Variants in ILRUN observed in about 807,000 individuals in gnomAD.
ILRUN encodes protein ILRUN.
ILRUN carries 3 observed loss-of-function variants against 33.8 expected under a neutral mutation model. That is an observed-to-expected ratio of 0.09 (90% CI 0.04 to 0.23). The LOEUF (loss-of-function observed/expected upper bound fraction) is 0.23, where lower values mean the gene tolerates loss of function less well. ILRUN is among the 10% of genes least tolerant of loss of function. The probability of loss-of-function intolerance (pLI) is 1.00; values close to 1 mark genes in which losing one functional copy is unlikely to be tolerated. For missense variants in ILRUN, 210 were observed against 375.1 expected (o/e 0.56, Z 3.64); for synonymous variants, 124 against 138.9 (o/e 0.89, Z 0.75).
At chr6:34,672,909 T>G (rs2395598) in intron 1 of ILRUN, among the ~76,000 whole-genome samples, 1 of 151,848 alleles carries the variant, frequency 6.6e-6, no homozygotes, top group Admixed American at 6.6e-5. Flanking sequence ...AGAAAATGAA[T>G]GCTGAAATGC....
At chr6:34,663,647 G>T (rs932302293) in intron 1 of ILRUN, among the ~76,000 whole-genome samples, 2 of 152,034 alleles carry the variant, frequency 1.3e-5, no homozygotes, top group African/African-American at 4.8e-5. Context: ...TCCAGCTAAG[G>T]TCTCTTTAAA....
intron 1 of ILRUN, among the ~76,000 whole-genome samples, chr6:34,688,394 C>A (rs1763572610): frequency 7.5e-6 from 1 of 133,468 alleles, no homozygotes; most frequent in East Asian, 2.3e-4. Flanking sequence ...CAGAATGAGA[C>A]CCTGTCTCAA....
intron 2 of ILRUN, among the ~76,000 whole-genome samples, chr6:34,651,075 T>C (rs771039145): frequency 1.6e-4 from 24 of 152,186 alleles, no homozygotes; most frequent in Admixed American, 2.0e-4. Flanking sequence ...TGCACATGCA[T>C]GTTCTTCCTC....
chr6:34,648,502 T>TA (rs1762601282), intron 2 of ILRUN, among the ~76,000 whole-genome samples: 2 of 152,162 alleles, frequency 1.3e-5, no homozygotes, highest in Non-Finnish European at 1.5e-5. Flanking sequence ...TACCTTCTTC[T>TA]AAAAAAATTT....
intron 1 of ILRUN, among the ~76,000 whole-genome samples, chr6:34,675,075 G>A (rs1186547303): frequency 6.6e-6 from 1 of 152,162 alleles, no homozygotes; most frequent in African/African-American, 2.4e-5. Flanking sequence ...GAGGTTAAGA[G>A]TTCTAGACCA....
intron 3 of ILRUN, among the ~76,000 whole-genome samples, chr6:34,627,728 A>T (rs1762167003): frequency 7.1e-6 from 1 of 141,506 alleles, no homozygotes; most frequent in Non-Finnish European, 1.5e-5. Flanking sequence ...TTTGAGACAG[A>T]GTTTCGCTCT....
At chr6:34,626,147 G>C (rs1762123140) in intron 3 of ILRUN, among the ~76,000 whole-genome samples, 1 of 152,094 alleles carries the variant, frequency 6.6e-6, no homozygotes, top group Non-Finnish European at 1.5e-5. Flanking sequence ...ACTGCACCCG[G>C]CCAGGAGGCA....
intron 1 of ILRUN, among the ~76,000 whole-genome samples, chr6:34,681,054 A>C (rs1763349081): frequency 6.6e-6 from 1 of 152,114 alleles, no homozygotes; most frequent in Non-Finnish European, 1.5e-5. Flanking sequence ...AAGGGTTTAA[A>C]AAAAAAAGTA....
intron 3 of ILRUN, among the ~76,000 whole-genome samples, chr6:34,636,558 C>A (rs7764921): frequency 0.16 from 24,184 of 151,978 alleles, 2,526 homozygotes; most frequent in African/African-American, 0.29. Flanking sequence ...AGGAGATTAT[C>A]CTCTTCAAAG....
intron 3 of ILRUN, among the ~76,000 whole-genome samples, chr6:34,623,881 G>C (rs895366302): frequency 4.6e-5 from 7 of 152,078 alleles, no homozygotes; most frequent in African/African-American, 1.7e-4. Context: ...GCCCAGGCTG[G>C]AGTGCAGTGT....
chr6:34,649,446 G>A lies in ILRUN; in HGVS notation c.314-2648C>T, dbSNP rs982024984. Among the ~76,000 whole-genome samples, 4 of 152,220 alleles carry A rather than the reference G, an allele frequency of 2.6e-5. No individual in the cohort carries two copies. The South Asian group carries it at 8.3e-4, about 32-fold the overall frequency. ...TAGAAGAAAAGAAAGACTAATCTGTGTTTTATGACGTTCCTAGTTAAGTAT... is the reference window on the plus strand; with the variant it reads ...TAGAAGAAAAGAAAGACTAATCTGTATTTTATGACGTTCCTAGTTAAGTAT... On this transcript the variant is annotated intron_variant, in intron 2 of 4. Coordinates refer to ENST00000374023, the MANE Select transcript of ILRUN (RefSeq NM_024294.4).
intron 3 of ILRUN, among the ~76,000 whole-genome samples, chr6:34,635,795 A>G (rs1964810): frequency 0.058 from 8,842 of 151,874 alleles, 500 homozygotes; most frequent in East Asian, 0.32. Context: ...GCTAATTTTT[A>G]TATTTTTGTA....
At chr6:34,647,521 G>T (rs1015511585) in intron 2 of ILRUN, among the ~76,000 whole-genome samples, 5 of 152,008 alleles carry the variant, frequency 3.3e-5, no homozygotes, top group South Asian at 2.1e-4. Flanking sequence ...GGGAAGGAGG[G>T]TCAATCAGAC....
At position 34,696,718 on chromosome 6, in the gene ILRUN, T is replaced by C; in HGVS notation, c.-115A>G. 9.0e-7 allele frequency: 1 copy of C among 1,108,690 alleles called. No individual in the cohort carries two copies. The highest frequency in any genetic ancestry group is 1.3e-6 in the Non-Finnish European group (1 of 780,734). The allele number at this position is 1,108,690 out of a possible 1,614,324, so 68.7% of individuals were successfully genotyped here. ...TAGCTAGCTTCGCGACCCCGCTCCT[T>C]TGAGGTAGGCCCCGGGCCTCTCACA... On this transcript the variant is annotated 5_prime_UTR_variant, in exon 1 of 5. Coordinates refer to ENST00000374023, the MANE Select transcript of ILRUN (RefSeq NM_024294.4).
At chr6:34,615,278 CA>C (rs1338002713) in intron 3 of ILRUN, among the ~76,000 whole-genome samples, 1 of 152,106 alleles carries the variant, frequency 6.6e-6, no homozygotes, top group Non-Finnish European at 1.5e-5. Flanking sequence ...ATTAGAAAAT[CA>C]TATTTCAGAA....
intron 1 of ILRUN, among the ~76,000 whole-genome samples, chr6:34,659,841 G>A (rs566496304): frequency 4.0e-5 from 6 of 151,608 alleles, no homozygotes; most frequent in East Asian, 1.9e-4. Flanking sequence ...GGTTGGTCTC[G>A]AACTCCCAAC....
intron 4 of ILRUN, among the ~76,000 whole-genome samples, chr6:34,602,196 A>G (rs1355173544): frequency 1.3e-5 from 2 of 152,058 alleles, no homozygotes; most frequent in African/African-American, 4.8e-5. Flanking sequence ...GGTCCTCTTC[A>G]GCTCCCAGTG....
chr6:34,683,461 T>TACATATATATAC (rs1189769546), intron 1 of ILRUN, among the ~76,000 whole-genome samples: 1 of 114,536 alleles, frequency 8.7e-6, no homozygotes, highest in Non-Finnish European at 1.7e-5. Flanking sequence ...TACATATATA[T>TACATATATATAC]ACATATATAT....
intron 3 of ILRUN, among the ~76,000 whole-genome samples, chr6:34,624,364 C>G (rs1402224677): frequency 6.6e-6 from 1 of 151,890 alleles, no homozygotes; most frequent in African/African-American, 2.4e-5. Flanking sequence ...ACTCTTCTTG[C>G]CCAGGCTGGA....
Sources: gnomAD v4.1 joint callset for allele counts (sites outside exome capture counted in the v4.1 genomes callset) on GRCh38, gnomAD v4.1.1 for gene constraint, MANE v1.5 for transcripts, NCBI Gene and HGNC (gene_info 2026-07-23, HGNC 2026-07-21) for gene names.